BMPR1B: variants seen among roughly 807,000 people sequenced by gnomAD.
BMPR1B encodes the protein bone morphogenetic protein receptor type 1B.
In BMPR1B, 12 loss-of-function variants were observed where a neutral mutation model predicts 59.1. The ratio of observed to expected loss-of-function variants is 0.20; its 90% CI spans 0.13 to 0.33. BMPR1B has a LOEUF of 0.33. Ranked by LOEUF, BMPR1B falls within the 10% of genes least tolerant of loss-of-function variation. The pLI is 1.00. For missense variants in BMPR1B, 550 were observed against 610.9 expected, an observed-to-expected ratio of 0.90 and a Z score of 1.05; for synonymous variants, 237 against 207.3, an observed-to-expected ratio of 1.14 and a Z score of -1.23.
chr4:95,114,599 T>C, intron 4 of BMPR1B, 121 bp from the exon 5 acceptor site: 1 of 881,012 alleles, frequency 1.1e-6, no homozygotes, highest in South Asian at 1.3e-5. Context: ...ATTCTCCTTG[T>C]TGCAATAAAA....
At chr4:95,018,179 A>G (rs1723719950) in intron 3 of BMPR1B, among the ~76,000 whole-genome samples, 1 of 152,226 alleles carries the variant, frequency 6.6e-6, no homozygotes, top group African/African-American at 2.4e-5. Flanking sequence ...CAACAGTCTT[A>G]TAAAATTCAC....
At chr4:94,935,825 G>A (rs56248936) in intron 2 of BMPR1B, among the ~76,000 whole-genome samples, 3,007 of 152,186 alleles carry the variant, frequency 0.02, 96 homozygotes, top group African/African-American at 0.068. Context: ...ATGTTAGCGG[G>A]GAGAACAAAA....
intron 1 of BMPR1B, among the ~76,000 whole-genome samples, chr4:94,868,587 G>T (rs909958913): frequency 3.3e-5 from 5 of 152,316 alleles, no homozygotes; most frequent in African/African-American, 1.2e-4. Context: ...GGACCAATAA[G>T]TGTCCTTTGT....
At chr4:94,982,782 A>G (rs996685525) in intron 2 of BMPR1B, among the ~76,000 whole-genome samples, 2 of 152,080 alleles carry the variant, frequency 1.3e-5, no homozygotes, top group Non-Finnish European at 2.9e-5. Flanking sequence ...CAGGAGATCA[A>G]GACCATCCTG....
intron 6 of BMPR1B, among the ~76,000 whole-genome samples, chr4:95,120,111 C>T (rs1323466958): frequency 6.6e-6 from 1 of 152,154 alleles, no homozygotes; most frequent in East Asian, 1.9e-4. Flanking sequence ...TAAGTGAGAA[C>T]ATACAGTATT....
At chr4:94,813,990 T>G (rs566139918) in intron 1 of BMPR1B, among the ~76,000 whole-genome samples, 3 of 152,186 alleles carry the variant, frequency 2.0e-5, no homozygotes, top group Admixed American at 6.5e-5. Context: ...CTATGAGATA[T>G]GCAGGTGGGA....
intron 3 of BMPR1B, among the ~76,000 whole-genome samples, chr4:95,053,576 A>C (rs2149192576): frequency 6.6e-6 from 1 of 152,224 alleles, no homozygotes; most frequent in Admixed American, 6.5e-5. Context: ...ACATAATATT[A>C]CCTGAAAGTT....
At chr4:95,097,033 ATATAGT>A (rs1730466939) in intron 3 of BMPR1B, among the ~76,000 whole-genome samples, 2 of 145,018 alleles carry the variant, frequency 1.4e-5, no homozygotes, top group Admixed American at 7.0e-5. Context: ...AGTTTATATA[ATATAGT>A]TATATACATA....
At position 94,934,701 on chromosome 4, in the gene BMPR1B, CT is replaced by C. The variant is rs554125113; in HGVS notation, c.-113+58804del. Among the ~76,000 whole-genome samples the C allele has an allele frequency of 2.0e-3, 311 of 152,132 alleles. 1 individual carries two copies. Among genetic ancestry groups the C allele is most frequent in the Non-Finnish European group, 3.4e-3 (230 of 67,982 alleles). Reference sequence around the variant, plus strand: ...GTAGAGAAAATGCAACTTTTGTGTGCTTTCTGTATCAACATGGAATTAATAG... The same window carrying C: ...GTAGAGAAAATGCAACTTTTGTGTGCTTCTGTATCAACATGGAATTAATAG... On this transcript the variant is annotated intron_variant, in intron 2 of 12. Coordinates refer to ENST00000515059, the MANE Select transcript of BMPR1B (RefSeq NM_001203.3).
chr4:94,910,533 G>C (rs1352774691), intron 2 of BMPR1B, among the ~76,000 whole-genome samples: 1 of 152,064 alleles, frequency 6.6e-6, no homozygotes. Context: ...CATAAGTTTG[G>C]ATGTTCAGTA....
intron 3 of BMPR1B, among the ~76,000 whole-genome samples, chr4:95,000,036 A>T (rs2149107899): frequency 6.6e-6 from 1 of 152,320 alleles, no homozygotes; most frequent in African/African-American, 2.4e-5. Context: ...TTTGCCCATC[A>T]TACATAAAAG....
At chr4:95,018,647 CT>C (rs1414620087) in intron 3 of BMPR1B, among the ~76,000 whole-genome samples, 1 of 152,128 alleles carries the variant, frequency 6.6e-6, no homozygotes, top group African/African-American at 2.4e-5. Flanking sequence ...ATTATATGAG[CT>C]TTTTGTGCAG....
At chr4:95,055,604 A>T (rs1463080311) in intron 3 of BMPR1B, among the ~76,000 whole-genome samples, 2 of 152,192 alleles carry the variant, frequency 1.3e-5, no homozygotes, top group African/African-American at 4.8e-5. Flanking sequence ...AGCATCACAG[A>T]TGTAAGAAAT....
chr4:95,022,283 A>G (rs1409235905), intron 3 of BMPR1B, among the ~76,000 whole-genome samples: 1 of 152,356 alleles, frequency 6.6e-6, no homozygotes, highest in East Asian at 1.9e-4. Context: ...AATAAGTTTT[A>G]GCAGTGGCTG....
At chr4:95,143,822 T>C (rs1734430838) in intron 10 of BMPR1B, among the ~76,000 whole-genome samples, 2 of 152,106 alleles carry the variant, frequency 1.3e-5, no homozygotes, top group Non-Finnish European at 2.9e-5. Flanking sequence ...TTCAAAGGAG[T>C]TGTGTTCCCC....
At chr4:95,078,654 T>G (rs543901792) in intron 3 of BMPR1B, among the ~76,000 whole-genome samples, 87 of 152,342 alleles carry the variant, frequency 5.7e-4, no homozygotes, top group Middle Eastern at 6.8e-3. Flanking sequence ...TACTAGAAAC[T>G]GTGTTCAGAA....
At chr4:94,978,121 C>T (rs766229456) in intron 2 of BMPR1B, among the ~76,000 whole-genome samples, 4 of 152,202 alleles carry the variant, frequency 2.6e-5, no homozygotes, top group Non-Finnish European at 5.9e-5. Flanking sequence ...ATATGCTGTC[C>T]AGTTCCAAGG....
chr4:95,073,049 T>G (rs1204617124), intron 3 of BMPR1B, among the ~76,000 whole-genome samples: 2 of 152,226 alleles, frequency 1.3e-5, no homozygotes, highest in Non-Finnish European at 2.9e-5. Context: ...GGTAGCTTTC[T>G]AAAAATCTAT....
intron 1 of BMPR1B, among the ~76,000 whole-genome samples, chr4:94,840,655 T>C (rs1219907489): frequency 6.8e-6 from 1 of 146,298 alleles, no homozygotes; most frequent in African/African-American, 2.5e-5. Context: ...ATTGTAGTTA[T>C]ACATTCTTCT....
Sources: allele counts gnomAD v4.1 joint callset (sites outside exome capture counted in the v4.1 genomes callset), GRCh38; gene constraint gnomAD v4.1.1; transcripts MANE v1.5; gene names NCBI Gene and HGNC (gene_info 2026-07-23, HGNC 2026-07-21).